FBXO25: variants seen among roughly 807,000 people sequenced by gnomAD.
FBXO25 encodes F-box protein 25, also known as F-box only protein 25.
A neutral mutation model predicts 51.9 loss-of-function variants in FBXO25; 45 were observed. That is an observed-to-expected ratio of 0.87 (90% confidence interval 0.68 to 1.11). The LOEUF (loss-of-function observed/expected upper bound fraction) is 1.11, where lower values mean the gene tolerates loss of function less well. Among genes scored for constraint, FBXO25 ranks in the 50% most tolerant of loss-of-function variants. The pLI is 0.00. For synonymous variants in FBXO25, 199 were observed against 151.0 expected, an observed-to-expected ratio of 1.32 and a Z score of -2.33; for missense variants, 507 against 428.5, an observed-to-expected ratio of 1.18 and a Z score of -1.62.
chr8:412,853 A>G (rs1429684128), intron 1 of FBXO25, among the ~76,000 whole-genome samples: 1 of 152,200 alleles, frequency 6.6e-6, no homozygotes, highest in Non-Finnish European at 1.5e-5. Flanking sequence ...TGGGATACGC[A>G]GTATTAGGCC....
In FBXO25 at chr8:475,561, T is replaced by C. The variant is rs1330948380; in HGVS notation, c.*6757T>C. On this transcript the variant is annotated 3_prime_UTR_variant, in exon 10 of 10. Coordinates refer to ENST00000350302, the MANE Select transcript of FBXO25 (RefSeq NM_183420.2). Reference sequence around the variant, plus strand: ...ATCCAATCCATAAACACGGGATTGCTTTCTATTTATTTGTGTTGACCTTAC... The same window carrying C: ...ATCCAATCCATAAACACGGGATTGCCTTCTATTTATTTGTGTTGACCTTAC... 1 of 152,066 alleles carries C rather than the reference T, an allele frequency of 6.6e-6. No individual in the cohort carries two copies. The highest frequency in any genetic ancestry group is 1.5e-5 in the Non-Finnish European group (1 of 68,036). 9.4% of individuals were successfully genotyped at this position (152,066 alleles called of 1,614,324 possible).
At chr8:467,865 C>T (rs767719986) in intron 9 of FBXO25, 25 of 1,584,838 alleles carry the variant, frequency 1.6e-5, no homozygotes, top group Non-Finnish European at 2.0e-5. Context: ...CTGACTTGAG[C>T]TTTCTCAGGA....
At chr8:451,917 T>G (rs975871305) in intron 7 of FBXO25, among the ~76,000 whole-genome samples, 5 of 152,166 alleles carry the variant, frequency 3.3e-5, no homozygotes, top group African/African-American at 9.7e-5. Context: ...ATCATGTCAG[T>G]TTTTTTGATA....
In FBXO25 at chr8:463,125, G is replaced by T; in HGVS notation, c.962G>T (p.Arg321Leu). The change falls in exon 9 of 10, where the codon CGG (arginine) becomes CTG (leucine). Residue 321 changes from arginine to leucine, a missense_variant. Transcript: ENST00000350302. ...EQYGDTLHFCRHCSILFWKDS... is the reference protein window; with the variant it reads ...EQYGDTLHFCLHCSILFWKDS... ...TACGGAGACACACTGCATTTCTGTC[G>T]GCACTGCAGCATTCTCTTTTGGAAG... 6.2e-7 allele frequency: 1 copy of T among 1,612,836 alleles called. No individual in the cohort carries two copies. Among genetic ancestry groups the T allele is most frequent in the Non-Finnish European group, 8.5e-7 (1 of 1,179,790 alleles).
rs1800376462 is a variant in FBXO25, at chr8:468,981, G to T, written c.*177G>T. ...CATGGTTGCATTTTCATCACTGAAA[G>T]TCAGAGGCCAAGGAAATCATTTCTA... is the stretch of plus-strand genomic sequence containing the variant. On this transcript the variant is annotated 3_prime_UTR_variant, in exon 10 of 10. Coordinates refer to ENST00000350302, the MANE Select transcript of FBXO25 (RefSeq NM_183420.2). 1.7e-6 allele frequency: 1 copy of T among 572,008 alleles called. No homozygotes were observed. Among genetic ancestry groups the T allele is most frequent in the South Asian group, 2.3e-5 (1 of 42,714 alleles). 35.4% of individuals were successfully genotyped at this position (572,008 alleles called of 1,614,324 possible).
chr8:462,719 G>C (rs1227589755), intron 8 of FBXO25, among the ~76,000 whole-genome samples: 1 of 152,114 alleles, frequency 6.6e-6, no homozygotes, highest in Non-Finnish European at 1.5e-5. Flanking sequence ...CATTCAGAGA[G>C]GTATAATACA....
At chr8:414,611 C>T (rs868418878) in intron 2 of FBXO25, among the ~76,000 whole-genome samples, 3 of 151,458 alleles carry the variant, frequency 2.0e-5, no homozygotes, top group African/African-American at 4.9e-5. Flanking sequence ...TTTTTTTTTC[C>T]GCTGCACACA....
At chr8:467,856 T>C in intron 9 of FBXO25, 1 of 1,589,138 alleles carries the variant, frequency 6.3e-7, no homozygotes, top group Non-Finnish European at 8.6e-7. Context: ...CAGCTCTCGC[T>C]GACTTGAGCT....
At position 477,475 on chromosome 8, in the gene FBXO25, C is replaced by G. The variant is rs918216151; in HGVS notation, c.*8671C>G. 1.3e-5 allele frequency: 2 copies of G among 152,162 alleles called. No homozygotes were observed. The highest frequency in any genetic ancestry group is 2.9e-5 in the Non-Finnish European group (2 of 68,042). The allele number at this position is 152,162 out of a possible 1,614,324, so 9.4% of individuals were successfully genotyped here. The stretch of plus-strand genomic sequence containing the variant: ...TATATATTACATCTTGGTGAATTTT[C>G]AAACTTTTTAAATTTCAACATGAAG... On this transcript the variant is annotated 3_prime_UTR_variant, in exon 10 of 10. Coordinates refer to ENST00000350302, the MANE Select transcript of FBXO25 (RefSeq NM_183420.2).
intron 5 of FBXO25, among the ~76,000 whole-genome samples, chr8:443,235 CA>C (rs957853155): frequency 5.3e-5 from 8 of 150,544 alleles, no homozygotes; most frequent in African/African-American, 2.0e-4. Context: ...TACGGCATGC[CA>C]AAAAAAGTTT....
intron 5 of FBXO25, among the ~76,000 whole-genome samples, chr8:446,454 A>T (rs184357781): frequency 6.6e-6 from 1 of 152,176 alleles, no homozygotes; most frequent in Non-Finnish European, 1.5e-5. Context: ...GCTTCATCTC[A>T]GTCTAGGATT....
rs1259048450 is a variant in FBXO25, at chr8:434,602, A to G, written c.289-1013A>G. On this transcript the variant is annotated intron_variant, in intron 4 of 9. Transcript: ENST00000350302. The stretch of plus-strand genomic sequence containing the variant: ...TCAGAGACAAAGGTGCTATGACTCC[A>G]GCTGCTTTCTCTAGGACATCTCAAG... 4.6e-5 allele frequency among the ~76,000 whole-genome samples: 7 copies of G among 152,186 alleles called. No homozygotes were observed. The East Asian group carries it at 9.6e-4, about 21-fold the overall frequency.
At chr8:443,119 C>G (rs987180213) in intron 5 of FBXO25, among the ~76,000 whole-genome samples, 1 of 151,160 alleles carries the variant, frequency 6.6e-6, no homozygotes, top group Non-Finnish European at 1.5e-5. Flanking sequence ...TAAATTTGAC[C>G]TTGTAACTGA....
intron 2 of FBXO25, among the ~76,000 whole-genome samples, chr8:417,171 G>T (rs1796858977): frequency 6.6e-6 from 1 of 152,206 alleles, no homozygotes; most frequent in Admixed American, 6.5e-5. Context: ...AGCCTGACTG[G>T]GTCCCAGCTG....
At chr8:466,592 C>G (rs1264995534) in intron 9 of FBXO25, among the ~76,000 whole-genome samples, 1 of 152,162 alleles carries the variant, frequency 6.6e-6, no homozygotes, top group Admixed American at 6.5e-5. Flanking sequence ...GGGACTTGGT[C>G]ATGAGCCGAC....
chr8:457,865 G>T (rs1799552354), intron 7 of FBXO25, among the ~76,000 whole-genome samples: 1 of 152,210 alleles, frequency 6.6e-6, no homozygotes, highest in South Asian at 2.1e-4. Flanking sequence ...CTTTGCAGAC[G>T]ATGTGGTCAA....
intron 2 of FBXO25, among the ~76,000 whole-genome samples, chr8:425,139 C>G (rs1289696702): frequency 3.9e-5 from 6 of 152,148 alleles, no homozygotes; most frequent in Non-Finnish European, 7.4e-5. Context: ...CCCCGCCCCC[C>G]ACATGTCCCA....
chr8:477,875 G>A lies in FBXO25; in HGVS notation c.*9071G>A, dbSNP rs1800688710. 1 of 152,068 alleles carries A rather than the reference G, an allele frequency of 6.6e-6. No individual in the cohort carries two copies. Among genetic ancestry groups the A allele is most frequent in the Non-Finnish European group, 1.5e-5 (1 of 68,012 alleles). The allele number at this position is 152,068 out of a possible 1,614,324, so 9.4% of individuals were successfully genotyped here. ...ACATTTGGGCTGTGCAAAAACAGCT[G>A]GTGGGCCCAATTTTGGCCTGTATTT... On this transcript the variant is annotated 3_prime_UTR_variant, in exon 10 of 10. Coordinates refer to ENST00000350302, the MANE Select transcript of FBXO25 (RefSeq NM_183420.2).
intron 1 of FBXO25, chr8:407,514 C>T (rs528550119): frequency 3.3e-6 from 3 of 898,014 alleles, no homozygotes; most frequent in East Asian, 1.2e-4. Flanking sequence ...ACCGCGCGTC[C>T]TCAGCCGCTT....
Sources: allele counts gnomAD v4.1 joint callset (sites outside exome capture counted in the v4.1 genomes callset), GRCh38; gene constraint gnomAD v4.1.1; transcripts MANE v1.5; gene names NCBI Gene and HGNC (gene_info 2026-07-23, HGNC 2026-07-21).